Variants in ULK4 observed in about 807,000 individuals in gnomAD.
ULK4 encodes the protein unc-51 like kinase 4, also known as inactive serine/threonine-protein kinase ULK4.
ULK4 carries 133 observed loss-of-function variants against 160.6 expected under a neutral mutation model. The observed-to-expected ratio is 0.83, with a 90% CI of 0.72 to 0.96. The LOEUF is 0.96. ULK4 is among the 40% of genes least tolerant of loss of function. The pLI is 0.00. For missense variants in ULK4, 1,580 were observed against 1,499.5 expected, an observed-to-expected ratio of 1.05 and a Z score of -0.89; for synonymous variants, 534 against 539.8, an observed-to-expected ratio of 0.99 and a Z score of 0.15.
intron 35 of ULK4, among the ~76,000 whole-genome samples, chr3:41,358,541 A>G (rs2081070786): frequency 6.6e-6 from 1 of 152,150 alleles, no homozygotes; most frequent in African/African-American, 2.4e-5. Context: ...GACCTGAAGG[A>G]AGGAAAGGAG....
chr3:41,911,329 A>G lies in ULK4; in HGVS notation c.1073T>C (p.Met358Thr). Residue 358 changes from methionine (M) to threonine (T), a missense_variant, in exon 11 of 37, where the codon ATG becomes ACG. Met to Thr is a moderately conservative substitution (Grantham distance 81). Coordinates refer to ENST00000301831, the MANE Select transcript of ULK4 (RefSeq NM_017886.4). ...TCATTTTACCTACCTGAGAAGAAAC[A>G]TGGATTCATTCAATTGACCCTCAAG... ...STLEGQLNES[M>T]FLLSSRPTPR... 1 of 1,613,946 alleles carries G rather than the reference A, an allele frequency of 6.2e-7. No individual in the cohort carries two copies. Among genetic ancestry groups the G allele is most frequent in the Non-Finnish European group, 8.5e-7 (1 of 1,179,996 alleles).
intron 22 of ULK4, among the ~76,000 whole-genome samples, chr3:41,721,333 A>AAT (rs71075483): frequency 0.041 from 1,093 of 26,926 alleles, 52 homozygotes; most frequent in Non-Finnish European, 0.052. Context: ...TTTTAATGTA[A>AAT]ATATATATAT....
At chr3:41,890,224 T>C (rs746441794) in intron 16 of ULK4, among the ~76,000 whole-genome samples, 13 of 152,164 alleles carry the variant, frequency 8.5e-5, no homozygotes, top group Non-Finnish European at 1.3e-4. Context: ...AATTTTATGG[T>C]ATGTGAATTA....
At chr3:41,703,365 T>C (rs1333913491) in intron 27 of ULK4, among the ~76,000 whole-genome samples, 1 of 152,038 alleles carries the variant, frequency 6.6e-6, no homozygotes, top group Non-Finnish European at 1.5e-5. Context: ...GCAGTTAAAC[T>C]AGAAATCAAT....
intron 4 of ULK4, among the ~76,000 whole-genome samples, chr3:41,935,193 T>TTTTATTTA (rs1293341758): frequency 0.054 from 1,256 of 23,368 alleles, 28 homozygotes; most frequent in East Asian, 0.15. Context: ...TTTTTTGTGT[T>TTTTATTTA]TTTATTTATT....
intron 20 of ULK4, among the ~76,000 whole-genome samples, chr3:41,798,780 T>C (rs938644044): frequency 2.0e-5 from 3 of 152,030 alleles, no homozygotes; most frequent in Non-Finnish European, 1.5e-5. Flanking sequence ...ATTAAACACC[T>C]AAATGCTGAC....
chr3:41,854,797 G>A (rs1420404527), intron 17 of ULK4: 1 of 151,764 alleles, frequency 6.6e-6, no homozygotes, highest in Non-Finnish European at 1.5e-5. Context: ...TTTATCATGT[G>A]ACTGAGCACT....
chr3:41,899,297 C>T (rs759948893), intron 13 of ULK4: 1 of 152,224 alleles, frequency 6.6e-6, no homozygotes, highest in Non-Finnish European at 1.5e-5. Context: ...AACTATACTA[C>T]AGACCTATAA....
chr3:41,439,586 T>C (rs547962693), intron 34 of ULK4, among the ~76,000 whole-genome samples: 2 of 152,332 alleles, frequency 1.3e-5, no homozygotes, highest in South Asian at 4.1e-4. Context: ...ACCATCACCA[T>C]TATAATTTTA....
intron 35 of ULK4, among the ~76,000 whole-genome samples, chr3:41,337,122 TCAGGTCTTAGATC>T (rs2080576771): frequency 6.6e-6 from 1 of 152,118 alleles, no homozygotes; most frequent in Non-Finnish European, 1.5e-5. Context: ...AACAGCAAAT[TCAGGTCTTAGATC>T]CAGGTCTTAT....
chr3:41,855,540 T>C (rs2125677597), intron 17 of ULK4, among the ~76,000 whole-genome samples: 1 of 152,344 alleles, frequency 6.6e-6, no homozygotes, highest in South Asian at 2.1e-4. Context: ...TAATTAAAAT[T>C]GGGTCCTTTA....
intron 30 of ULK4, among the ~76,000 whole-genome samples, chr3:41,632,147 C>A (rs892283876): frequency 6.6e-6 from 1 of 152,126 alleles, no homozygotes; most frequent in African/African-American, 2.4e-5. Context: ...GAGGTATGCA[C>A]ATCCTTGCAC....
At chr3:41,826,838 C>T (rs940365126) in intron 18 of ULK4, among the ~76,000 whole-genome samples, 6 of 144,006 alleles carry the variant, frequency 4.2e-5, no homozygotes, top group South Asian at 2.2e-4. Context: ...CTCTCCACCC[C>T]AAATCAACAG....
intron 34 of ULK4, among the ~76,000 whole-genome samples, chr3:41,412,859 C>A (rs2082437251): frequency 6.6e-6 from 1 of 152,014 alleles, no homozygotes; most frequent in Non-Finnish European, 1.5e-5. Context: ...CTGTGCCTGG[C>A]CAAGAGAATA....
chr3:41,909,432 C>A (rs551713012), intron 11 of ULK4, among the ~76,000 whole-genome samples: 1 of 152,240 alleles, frequency 6.6e-6, no homozygotes, highest in South Asian at 2.1e-4. Context: ...TAAAATGGGG[C>A]AGGCACTGTG....
At chr3:41,703,133 C>T (rs527695530) in intron 27 of ULK4, among the ~76,000 whole-genome samples, 7 of 152,062 alleles carry the variant, frequency 4.6e-5, no homozygotes, top group Admixed American at 6.5e-5. Flanking sequence ...GGATTACAGG[C>T]GTGATCCACC....
Position 41,800,187 on chromosome 3 carries a change from A to G in ULK4, c.1955T>C (p.Leu652Ser). ...GFITGEIGPILWYLFRHSTAD... is the reference protein window; with the variant it reads ...GFITGEIGPISWYLFRHSTAD... ...AGTGGAGTGTCTGAATAGGTACCAC[A>G]AAATGGGTCCTATTTCTCCTGTAAT... Residue 652 changes from leucine to serine, a missense_variant, in exon 20 of 37, where the codon TTG becomes TCG. By Grantham distance (145) the Leu-to-Ser change is moderately radical (BLOSUM62 -2). Transcript: ENST00000301831. 2 of 1,613,904 alleles carry G rather than the reference A, an allele frequency of 1.2e-6. No homozygotes were observed. The highest frequency in any genetic ancestry group is 1.7e-6 in the Non-Finnish European group (2 of 1,179,896).
chr3:41,872,104 A>T (rs946699744), intron 17 of ULK4, among the ~76,000 whole-genome samples: 5 of 152,144 alleles, frequency 3.3e-5, no homozygotes, highest in Admixed American at 2.0e-4. Flanking sequence ...CTTTAGCCCT[A>T]GGATATAGCC....
At chr3:41,862,200 C>T (rs1431859732) in intron 17 of ULK4, among the ~76,000 whole-genome samples, 1 of 151,896 alleles carries the variant, frequency 6.6e-6, no homozygotes, top group East Asian at 1.9e-4. Flanking sequence ...TTTCAGTGTG[C>T]CAACTGTATT....
Sources: gnomAD v4.1 joint callset for allele counts (sites outside exome capture counted in the v4.1 genomes callset) on GRCh38, gnomAD v4.1.1 for gene constraint, MANE v1.5 for transcripts, NCBI Gene and HGNC (gene_info 2026-07-23, HGNC 2026-07-21) for gene names.